Variants in MIAT observed in about 807,000 individuals in gnomAD.
MIAT encodes MI related novel mRNA.
intron 2 of MIAT, chr22:26,660,956 G>A (rs1243469740): frequency 6.6e-6 from 1 of 152,228 alleles, no homozygotes; most frequent in Non-Finnish European, 1.5e-5. Flanking sequence ...ATGAACCAGT[G>A]CATGTTCGGT....
intron 2 of MIAT, among the ~76,000 whole-genome samples, chr22:26,652,332 A>ATC (rs1009469541): frequency 2.0e-5 from 3 of 149,506 alleles, no homozygotes; most frequent in East Asian, 2.0e-4. Context: ...TGAATTTCCT[A>ATC]TCTCTCTCTC....
At chr22:26,665,411 A>C (rs561898350) in intron 3 of MIAT, 29 of 398,524 alleles carry the variant, frequency 7.3e-5, no homozygotes, top group African/African-American at 5.9e-4. Flanking sequence ...GTGTCAGCTA[A>C]AGGTCCCTTG....
intron 2 of MIAT, among the ~76,000 whole-genome samples, chr22:26,651,297 G>A (rs1930331976): frequency 6.6e-6 from 1 of 152,208 alleles, no homozygotes; most frequent in Admixed American, 6.5e-5. Context: ...GGGGACAGCT[G>A]TCAGAAAAGA....
At chr22:26,671,698 G>C (rs1187180399), downstream of MIAT, 3 of 398,474 alleles carry the variant, frequency 7.5e-6, no homozygotes, top group African/African-American at 6.2e-5. Context: ...ACTTCCTGTT[G>C]AGTGAGTTTG....
At chr22:26,646,861 C>G in exon 1 of MIAT, 1 of 398,538 alleles carries the variant, frequency 2.5e-6, no homozygotes, top group Non-Finnish European at 4.4e-6. Context: ...GAGAGGACCA[C>G]AGGCCACAGG....
rs116383611 is a variant in MIAT, at chr22:26,665,388, A to G, written n.730-143A>G. On this transcript the variant is annotated intron_variant and non_coding_transcript_variant, in intron 3 of 5. Coordinates refer to ENST00000643270, the Ensembl canonical transcript of MIAT. ...CCCCAAAGCCCATACCTTCCTTTGTACCCTCTAAGACGGTGTCAGCTAAAG... is the reference window on the plus strand; with the variant it reads ...CCCCAAAGCCCATACCTTCCTTTGTGCCCTCTAAGACGGTGTCAGCTAAAG... The G allele has an allele frequency of 3.5e-3, 1,376 of 398,100 alleles. 25 individuals are homozygous for G. Among genetic ancestry groups the G allele is most frequent in the African/African-American group, 0.025 (1,225 of 48,726 alleles). The allele number at this position is 398,100 out of a possible 1,614,324, so 24.7% of individuals were successfully genotyped here.
At chr22:26,674,149 A>G (rs1019483327), downstream of MIAT, 23 of 398,676 alleles carry the variant, frequency 5.8e-5, no homozygotes, top group African/African-American at 4.3e-4. Context: ...CAGAAGGGTT[A>G]TAACTCCGTC....
chr22:26,675,122 G>C (rs541315203), exon 5 of MIAT: 360 of 398,836 alleles, frequency 9.0e-4, no homozygotes, highest in Non-Finnish European at 1.4e-3. Context: ...GGTGCAGGGG[G>C]GTGGAATGGG....
chr22:26,669,452 C>T (rs1602370453), exon 6 of MIAT: 1 of 398,556 alleles, frequency 2.5e-6, no homozygotes. Context: ...TGGAGAGGGA[C>T]AGAGAGCATG....
At chr22:26,675,924 C>T (rs151268872) in exon 5 of MIAT, 95 of 398,546 alleles carry the variant, frequency 2.4e-4, no homozygotes, top group South Asian at 5.1e-4. Context: ...TAGAGATTGG[C>T]GATGGTTGTG....
At chr22:26,670,602 T>TTAAA (rs367735721), downstream of MIAT, 38,054 of 301,316 alleles carry the variant, frequency 0.13, 1,342 homozygotes, top group South Asian at 0.18. Context: ...CATTGCTCCT[T>TTAAA]AAAAAAAAAA....
chr22:26,651,187 C>A (rs1295368359), intron 2 of MIAT, among the ~76,000 whole-genome samples: 2 of 152,234 alleles, frequency 1.3e-5, no homozygotes, highest in Non-Finnish European at 2.9e-5. Context: ...TCACTCACTG[C>A]TGAACTCAGG....
chr22:26,669,849 C>T (rs1602371009), downstream of MIAT: 7 of 398,726 alleles, frequency 1.8e-5, no homozygotes, highest in Middle Eastern at 6.2e-4. Flanking sequence ...CTGGGAGAGC[C>T]GTGTCCTGAG....
At chr22:26,673,083 G>A (rs1342085921), downstream of MIAT, 7 of 398,580 alleles carry the variant, frequency 1.8e-5, no homozygotes, top group Non-Finnish European at 3.1e-5. Context: ...GAAAAGGGGT[G>A]TGGGGAGGGG....
intron 2 of MIAT, among the ~76,000 whole-genome samples, chr22:26,662,629 G>A (rs1930714279): frequency 6.6e-6 from 1 of 152,154 alleles, no homozygotes; most frequent in Admixed American, 6.5e-5. Context: ...CTCCTGCGAG[G>A]CGCGTGGCAC....
At chr22:26,674,917 C>T (rs1179723516) in exon 5 of MIAT, 3 of 398,618 alleles carry the variant, frequency 7.5e-6, no homozygotes, top group African/African-American at 6.2e-5. Flanking sequence ...CTTTTATAGC[C>T]TAGTGGGAGA....
chr22:26,656,190 T>G (rs1474136865), intron 2 of MIAT: 1 of 152,354 alleles, frequency 6.6e-6, no homozygotes, highest in African/African-American at 2.4e-5. Context: ...TTTGTAGTTT[T>G]AGTAGAGACG....
chr22:26,653,781 C>T (rs963399535), intron 2 of MIAT, among the ~76,000 whole-genome samples: 1 of 152,066 alleles, frequency 6.6e-6, no homozygotes, highest in Non-Finnish European at 1.5e-5. Flanking sequence ...GCTCTGTTGC[C>T]CAGGTTGGAG....
downstream of MIAT, chr22:26,672,533 G>T (rs917711733): frequency 1.5e-5 from 6 of 399,236 alleles, no homozygotes; most frequent in African/African-American, 1.2e-4. Flanking sequence ...ACGTGAGTGT[G>T]GAGGCCTGTT....
Sources: allele counts gnomAD v4.1 joint callset (sites outside exome capture counted in the v4.1 genomes callset), GRCh38; gene constraint gnomAD v4.1.1; transcripts MANE v1.5; gene names NCBI Gene and HGNC (gene_info 2026-07-23, HGNC 2026-07-21).